TOM1: variants seen among roughly 807,000 people sequenced by gnomAD.
TOM1 encodes target of Myb protein 1.
Under a neutral mutation model 61.3 loss-of-function variants are expected in TOM1, and 38 were observed. That is an observed-to-expected ratio of 0.62 (90% CI 0.48 to 0.81). TOM1 has a LOEUF of 0.81. TOM1 is among the 40% of genes least tolerant of loss of function. TOM1 has a pLI of 0.00. For missense variants in TOM1, 591 were observed against 659.6 expected (o/e 0.90, Z 1.14); for synonymous variants, 270 against 268.8 (o/e 1.00, Z -0.04).
intron 12 of TOM1, chr22:35,345,299 A>G (rs929398187): frequency 4.5e-6 from 1 of 222,198 alleles, no homozygotes; most frequent in Admixed American, 4.9e-5. Flanking sequence ...TCCCCATCCC[A>G]GCCTTCACGG....
At chr22:35,326,363 C>G (rs1601692748) in intron 6 of TOM1, among the ~76,000 whole-genome samples, 1 of 152,366 alleles carries the variant, frequency 6.6e-6, no homozygotes, top group Non-Finnish European at 1.5e-5. Context: ...GGTCCCACAG[C>G]ATAAGATCCT....
chr22:35,318,319 G>A, intron 2 of TOM1: 1 of 343,658 alleles, frequency 2.9e-6, no homozygotes, highest in Non-Finnish European at 5.5e-6. Context: ...TCTGCAGGCG[G>A]GAGTGTGTAC....
intron 2 of TOM1, among the ~76,000 whole-genome samples, chr22:35,321,467 C>T (rs1256633887): frequency 1.3e-5 from 2 of 152,020 alleles, no homozygotes; most frequent in Non-Finnish European, 2.9e-5. Flanking sequence ...GGCGTAATCT[C>T]GGCTCACTGC....
At position 35,323,878 on chromosome 22, in the gene TOM1, C is replaced by G; in HGVS notation, c.612C>G (p.Leu204=). 1 of 1,600,582 alleles carries G rather than the reference C, an allele frequency of 6.2e-7. No homozygotes were observed. The highest frequency in any genetic ancestry group is 8.5e-7 in the Non-Finnish European group (1 of 1,173,472). ...HAAPLPAPPI[L]SGDTPIAPTP... is the part of the protein sequence containing the mutation. Reference sequence around the variant, plus strand: ...CCCCTCTGCCCGCCCCGCCCATACTCTCCGGTGACACGCCCATAGCACCAA... The same window carrying G: ...CCCCTCTGCCCGCCCCGCCCATACTGTCCGGTGACACGCCCATAGCACCAA... The change falls in exon 6 of 15, where the codon CTC becomes CTG. Residue 204 remains leucine (L), a synonymous_variant. Transcript: ENST00000449058. The surrounding 1 kb of genome is among the most constrained non-coding windows in gnomAD (Gnocchi z 4.2).
intron 2 of TOM1, among the ~76,000 whole-genome samples, chr22:35,319,212 G>T (rs1053738083): frequency 6.6e-6 from 1 of 152,164 alleles, no homozygotes; most frequent in African/African-American, 2.4e-5. Flanking sequence ...GCAAGTCACT[G>T]CAGTATCCTT....
chr22:35,331,887 CA>C (rs887489610), intron 8 of TOM1, among the ~76,000 whole-genome samples: 70 of 140,452 alleles, frequency 5.0e-4, no homozygotes, highest in African/African-American at 5.0e-4. Flanking sequence ...GACTCCATCT[CA>C]AAAAAAAAAA....
rs1928416733 is a variant in TOM1 at position 35,327,311 on chromosome 22, A to G, written c.689A>G (p.Asn230Ser). 1 of 1,614,026 alleles carries G rather than the reference A, an allele frequency of 6.2e-7. No homozygotes were observed. The highest frequency in any genetic ancestry group is 8.5e-7 in the Non-Finnish European group (1 of 1,179,972). The change falls in exon 7 of 15, where the codon AAC (asparagine) becomes AGC (serine). Residue 230 changes from asparagine to serine, a missense_variant. Transcript: ENST00000449058. ...LRSELEMVSGNVRVMSEMLTE... is the reference protein window; with the variant it reads ...LRSELEMVSGSVRVMSEMLTE... Reference sequence around the variant, plus strand: ...AGTGAGCTGGAGATGGTGAGTGGGAACGTGAGGGTGATGTCGGAGATGCTG... The same window carrying G: ...AGTGAGCTGGAGATGGTGAGTGGGAGCGTGAGGGTGATGTCGGAGATGCTG...
chr22:35,333,176 T>C, intron 9 of TOM1, 162 bp downstream of exon 9: 1 of 878,276 alleles, frequency 1.1e-6, no homozygotes, highest in Non-Finnish European at 1.8e-6. Context: ...CCCTTTAAGG[T>C]AAATAAGGCT....
Position 35,334,456 on chromosome 22 carries a change from G to T in TOM1, c.1148+8G>T, listed in dbSNP as rs1929113803. On this transcript the variant is annotated splice_region_variant and intron_variant, in intron 11 of 14. Coordinates refer to ENST00000449058, the MANE Select transcript of TOM1 (RefSeq NM_005488.3). ...GGCTGACCAACGGAAAGAGTGAGTG[G>T]CCTGGCCCTGCCCTGGTCCCCTGCA... 1 of 1,613,748 alleles carries T rather than the reference G, an allele frequency of 6.2e-7. No individual in the cohort carries two copies. The highest frequency in any genetic ancestry group is 8.5e-7 in the Non-Finnish European group (1 of 1,179,956).
At chr22:35,319,278 G>T (rs367589168) in intron 2 of TOM1, among the ~76,000 whole-genome samples, 1 of 152,142 alleles carries the variant, frequency 6.6e-6, no homozygotes, top group Non-Finnish European at 1.5e-5. Flanking sequence ...GCTCGGCGTC[G>T]GTCAGGTGCA....
chr22:35,314,623 T>C (rs1205271677), intron 1 of TOM1, among the ~76,000 whole-genome samples: 1 of 152,132 alleles, frequency 6.6e-6, no homozygotes, highest in African/African-American at 2.4e-5. Context: ...CCCATCGTTT[T>C]CAGGGGGTAC....
chr22:35,340,227 T>C (rs1462708458), intron 12 of TOM1, among the ~76,000 whole-genome samples: 1 of 152,106 alleles, frequency 6.6e-6, no homozygotes, highest in Non-Finnish European at 1.5e-5. Context: ...GTGGTGGACC[T>C]GGGGCCGAGG....
chr22:35,324,644 G>C (rs902175949), intron 6 of TOM1, among the ~76,000 whole-genome samples: 2 of 152,164 alleles, frequency 1.3e-5, no homozygotes, highest in Non-Finnish European at 2.9e-5. Flanking sequence ...TCTCTCCCAG[G>C]TTCAAGCAAT....
rs1927449835 is a variant in TOM1, at chr22:35,317,964, A to G, written c.137+3A>G. The G allele has an allele frequency of 1.2e-6, 2 of 1,613,506 alleles. No individual in the cohort carries two copies. The highest frequency in any genetic ancestry group is 1.7e-6 in the Non-Finnish European group (2 of 1,179,420). Reference sequence around the variant, plus strand: ...ATCATCAACGAGACGGAGGAAGGGTAAGGGCCCCCCAAGGAGAGGTTGGGG... The same window carrying G: ...ATCATCAACGAGACGGAGGAAGGGTGAGGGCCCCCCAAGGAGAGGTTGGGG... On this transcript the variant is annotated splice_donor_region_variant and intron_variant, in intron 2 of 14. Transcript: ENST00000449058.
intron 1 of TOM1, among the ~76,000 whole-genome samples, chr22:35,306,144 C>CT (rs138761): frequency 5.3e-5 from 8 of 150,748 alleles, no homozygotes; most frequent in South Asian, 4.2e-4. Context: ...TCTTCTTCAG[C>CT]TTTTTTTTTT....
rs572198442 is a variant in TOM1, at chr22:35,300,613, C to T, written c.52+633C>T. Among the ~76,000 whole-genome samples, 82 of 152,306 alleles carry T rather than the reference C, an allele frequency of 5.4e-4. 2 individuals are homozygous for T. The South Asian group carries it at 0.013, about 24-fold the overall frequency. On this transcript the variant is annotated intron_variant, in intron 1 of 14. Transcript: ENST00000449058. ...CCTGAGCAGACAGTGGTCGGACAAA[C>T]CCTCCTGGTCAGCCCATCTCGGTGC...
At chr22:35,327,592 GC>G (rs945086557) in intron 7 of TOM1, among the ~76,000 whole-genome samples, 4 of 152,182 alleles carry the variant, frequency 2.6e-5, no homozygotes, top group Non-Finnish European at 5.9e-5. Context: ...GAACAAAGTA[GC>G]CCCCCTGGCC....
intron 2 of TOM1, chr22:35,321,652 G>C: frequency 2.1e-6 from 1 of 479,630 alleles, no homozygotes; most frequent in Non-Finnish European, 4.2e-6. Flanking sequence ...ACCTGCCTCA[G>C]CCTCCCAAAG....
intron 2 of TOM1, among the ~76,000 whole-genome samples, chr22:35,318,836 C>T (rs908509558): frequency 6.6e-6 from 1 of 152,242 alleles, no homozygotes; most frequent in African/African-American, 2.4e-5. Context: ...CCTCCTTTCC[C>T]TCTCCAGTTC....
Sources: allele counts gnomAD v4.1 joint callset (sites outside exome capture counted in the v4.1 genomes callset), GRCh38; gene constraint gnomAD v4.1.1; non-coding constraint Gnocchi (gnomAD v3.1); transcripts MANE v1.5; gene names NCBI Gene and HGNC (gene_info 2026-07-23, HGNC 2026-07-21).